Variants in CALN1 observed in about 807,000 individuals in gnomAD.
CALN1 encodes the protein calneuron 1.
Under a neutral mutation model 30.6 loss-of-function variants are expected in CALN1, and 17 were observed. That is an observed-to-expected ratio of 0.56 (90% confidence interval 0.38 to 0.83). The LOEUF (loss-of-function observed/expected upper bound fraction) is 0.83, where lower values mean the gene tolerates loss of function less well. Ranked by LOEUF, CALN1 falls within the 40% of genes least tolerant of loss-of-function variation. The pLI is 0.00. For missense variants in CALN1, 291 were observed against 354.9 expected (o/e 0.82, Z 1.45); for synonymous variants, 156 against 131.4 (o/e 1.19, Z -1.28).
chr7:71,827,786 AT>A (rs1295426670), intron 5 of CALN1, among the ~76,000 whole-genome samples: 1 of 149,840 alleles, frequency 6.7e-6, no homozygotes, highest in Non-Finnish European at 1.5e-5. Context: ...AAATAAATAA[AT>A]AAATAAATAA....
intron 5 of CALN1, among the ~76,000 whole-genome samples, chr7:71,917,897 C>T (rs950489414): frequency 3.9e-5 from 6 of 152,290 alleles, no homozygotes; most frequent in Admixed American, 2.0e-4. Flanking sequence ...TGAATATGCA[C>T]AATTTTTATT....
In CALN1 at chr7:72,336,739, G is replaced by A. The variant is rs1030926195; in HGVS notation, c.120-57929C>T. 4 of 985,244 alleles carry A rather than the reference G, an allele frequency of 4.1e-6. No individual in the cohort carries two copies. In the African/African-American group the frequency reaches 5.2e-5, roughly 13 times the overall value. The allele number at this position is 985,244 out of a possible 1,614,324, so 61.0% of individuals were successfully genotyped here. A position where few individuals can be genotyped will look rare whatever the true frequency, so the allele number is the denominator to read the frequency against. ...GCCGGGGCTCCGCAGCCCGGCAGCC[G>A]AGGCGCCTCCGCACAGCGCGGGGGG... On this transcript the variant is annotated intron_variant, in intron 2 of 6. Transcript: ENST00000395275.
At chr7:72,092,110 C>T (rs897074280) in intron 4 of CALN1, among the ~76,000 whole-genome samples, 1 of 151,976 alleles carries the variant, frequency 6.6e-6, no homozygotes, top group Non-Finnish European at 1.5e-5. Flanking sequence ...AGTGGTAATG[C>T]TTTCCTTCTT....
At chr7:72,385,757 T>C (rs1305855784) in intron 2 of CALN1, among the ~76,000 whole-genome samples, 1 of 152,126 alleles carries the variant, frequency 6.6e-6, no homozygotes, top group African/African-American at 2.4e-5. Flanking sequence ...GGTTTAAAAG[T>C]GTGTGGCAGT....
At chr7:72,357,821 T>C (rs548397505) in intron 2 of CALN1, among the ~76,000 whole-genome samples, 4 of 147,010 alleles carry the variant, frequency 2.7e-5, no homozygotes, top group East Asian at 2.0e-4. Flanking sequence ...TATATATTTA[T>C]ATATATTTTT....
In CALN1 at chr7:71,826,032, C is replaced by CAA. The variant is rs57512202; in HGVS notation, c.502-15542_502-15541dup. Among the ~76,000 whole-genome samples, 275 of 43,844 alleles carry CAA rather than the reference C, an allele frequency of 6.3e-3. 30 individuals carry two copies. Among genetic ancestry groups the CAA allele is most frequent in the Middle Eastern group, 0.029 (1 of 34 alleles). 28.8% of individuals were successfully genotyped at this position (43,844 alleles called of 152,430 possible). Reference sequence around the variant, plus strand: ...TGGGGGACAGAGCGAGACTCTGTCTCAAAAAAAAAAAAAAAAAAAAAAAAA... The same window carrying CAA: ...TGGGGGACAGAGCGAGACTCTGTCTCAAAAAAAAAAAAAAAAAAAAAAAAAAA... On this transcript the variant is annotated intron_variant, in intron 5 of 6. Transcript: ENST00000395275.
At chr7:71,849,152 C>CT (rs1197915115) in intron 5 of CALN1, among the ~76,000 whole-genome samples, 20 of 152,130 alleles carry the variant, frequency 1.3e-4, no homozygotes, top group African/African-American at 4.6e-4. Context: ...TGTGTTTAAT[C>CT]TATGTGTGGC....
At chr7:72,432,229 A>G (rs543760631) in intron 1 of CALN1, among the ~76,000 whole-genome samples, 7 of 151,618 alleles carry the variant, frequency 4.6e-5, no homozygotes, top group Admixed American at 2.0e-4. Context: ...TCCTGCCTAC[A>G]CTCTCTTGCC....
At chr7:72,050,906 C>T (rs188445547) in intron 4 of CALN1, among the ~76,000 whole-genome samples, 26 of 151,852 alleles carry the variant, frequency 1.7e-4, no homozygotes, top group African/African-American at 5.8e-4. Context: ...ACAGGAGAAT[C>T]GCATGAACCC....
At chr7:72,058,470 ACC>A (rs1803426121) in intron 4 of CALN1, among the ~76,000 whole-genome samples, 5 of 151,894 alleles carry the variant, frequency 3.3e-5, no homozygotes, top group Non-Finnish European at 7.4e-5. Flanking sequence ...GGTGCCCACC[ACC>A]ACACTCAGCT....
At chr7:72,441,597 CAAAAAAAAAAA>C (rs56230554) in intron 1 of CALN1, among the ~76,000 whole-genome samples, 1 of 79,542 alleles carries the variant, frequency 1.3e-5, no homozygotes, top group African/African-American at 4.9e-5. Context: ...CACTCCGTCT[CAAAAAAAAAAA>C]AAAAAAAAAA....
At chr7:72,386,722 A>T (rs946372011) in intron 2 of CALN1, among the ~76,000 whole-genome samples, 4 of 152,110 alleles carry the variant, frequency 2.6e-5, no homozygotes, top group African/African-American at 9.7e-5. Context: ...TGCAACCCTG[A>T]ACTCCTGGGC....
the CALN1 span, among the ~76,000 whole-genome samples, chr7:72,476,897 G>A: frequency 3.9e-5 from 6 of 152,118 alleles, no homozygotes; most frequent in Non-Finnish European, 8.8e-5. Context: ...AAACCACAGT[G>A]TTAGGGAAAG....
chr7:71,868,246 T>G (rs1255515338), intron 5 of CALN1, among the ~76,000 whole-genome samples: 1 of 152,124 alleles, frequency 6.6e-6, no homozygotes, highest in Non-Finnish European at 1.5e-5. Flanking sequence ...ATGGGCTATA[T>G]AGGAAGCATG....
At chr7:72,040,056 G>A (rs73369826) in intron 4 of CALN1, among the ~76,000 whole-genome samples, 1,733 of 152,118 alleles carry the variant, frequency 0.011, 46 homozygotes, top group African/African-American at 0.039. Context: ...ATGGCTCTTA[G>A]GAAACACCTT....
intron 6 of CALN1, among the ~76,000 whole-genome samples, chr7:71,800,253 G>T (rs1355892545): frequency 6.6e-6 from 1 of 152,190 alleles, no homozygotes; most frequent in African/African-American, 2.4e-5. Context: ...TCATGGGATG[G>T]ATGAGGAAAA....
intron 2 of CALN1, among the ~76,000 whole-genome samples, chr7:72,387,260 GGGAGGAAGGGAGGA>G (rs1398228698): frequency 5.1e-5 from 2 of 39,266 alleles, no homozygotes; most frequent in Non-Finnish European, 1.4e-4. Flanking sequence ...GAGGGAGGAA[GGGAGGAAGGGAGGA>G]AGGGAGGGAG....
At chr7:72,076,611 CAAAAAAAAAAAAAAAA>C (rs572245834) in intron 4 of CALN1, among the ~76,000 whole-genome samples, 24 of 6,124 alleles carry the variant, frequency 3.9e-3, no homozygotes, top group African/African-American at 9.0e-3. Context: ...AAAAAAAAAG[CAAAAAAAAAAAAAAAA>C]AAAAAAAAAA....
chr7:71,808,809 T>C (rs1388258546), intron 6 of CALN1, among the ~76,000 whole-genome samples: 2 of 152,140 alleles, frequency 1.3e-5, no homozygotes, highest in African/African-American at 2.4e-5. Flanking sequence ...TGTGCTTTCA[T>C]TGTGTGGGGC....
Sources: gnomAD v4.1 joint callset for allele counts (sites outside exome capture counted in the v4.1 genomes callset) on GRCh38, gnomAD v4.1.1 for gene constraint, MANE v1.5 for transcripts, NCBI Gene and HGNC (gene_info 2026-07-23, HGNC 2026-07-21) for gene names.